The following TTC29 variants were observed in gnomAD, a reference collection of about 807,000 sequenced individuals.
TTC29 encodes the protein tetratricopeptide repeat protein 29.
A neutral mutation model predicts 58.1 loss-of-function variants in TTC29; 49 were observed. The observed-to-expected ratio is 0.84, with a 90% CI of 0.67 to 1.07. The LOEUF is 1.07. Among genes scored for constraint, TTC29 ranks in the 50% least tolerant of loss-of-function variants. The probability of loss-of-function intolerance (pLI) is 0.00; values close to 1 mark genes in which losing one functional copy is unlikely to be tolerated. For synonymous variants in TTC29, 209 were observed against 196.8 expected (o/e 1.06, Z -0.52); for missense variants, 582 against 555.6 (o/e 1.05, Z -0.48).
At chr4:146,741,871 T>TA (rs1745180063) in intron 11 of TTC29, among the ~76,000 whole-genome samples, 2 of 152,212 alleles carry the variant, frequency 1.3e-5, no homozygotes, top group Admixed American at 1.3e-4. Context: ...TGCTTCGCCT[T>TA]AGCTCTTCAT....
rs113875440 is a variant in TTC29 at position 146,735,529 on chromosome 4, C to T, written c.1331-27978G>A. Among the ~76,000 whole-genome samples the T allele has an allele frequency of 3.1e-3, 469 of 152,262 alleles. 6 individuals carry two copies. The highest frequency in any genetic ancestry group is 0.011 in the African/African-American group (453 of 41,550). On this transcript the variant is annotated intron_variant, in intron 11 of 12. Transcript: ENST00000325106. ...GGTTATTCTTGAGGGAATAGCCAGC[C>T]TGGTAGCTTGGATAAAAGCCAGTGT... is the stretch of plus-strand genomic sequence containing the variant.
At chr4:146,791,455 A>T (rs1749442593) in intron 11 of TTC29, among the ~76,000 whole-genome samples, 1 of 152,190 alleles carries the variant, frequency 6.6e-6, no homozygotes, top group Non-Finnish European at 1.5e-5. Flanking sequence ...TGCATCCATA[A>T]AAGACAATGA....
chr4:146,892,550 A>G (rs935723926), intron 6 of TTC29, among the ~76,000 whole-genome samples: 34 of 152,322 alleles, frequency 2.2e-4, no homozygotes, highest in Middle Eastern at 3.4e-3. Context: ...AATAAGAGCT[A>G]TCTATGACAA....
chr4:146,857,808 T>TA (rs1485756795), intron 8 of TTC29, among the ~76,000 whole-genome samples: 1 of 152,152 alleles, frequency 6.6e-6, no homozygotes, highest in African/African-American at 2.4e-5. Flanking sequence ...ACTCAATTTT[T>TA]AAAAAATAAA....
chr4:146,918,406 TAAG>T (rs1165492297), intron 4 of TTC29, among the ~76,000 whole-genome samples: 1 of 151,132 alleles, frequency 6.6e-6, no homozygotes, highest in Non-Finnish European at 1.5e-5. Context: ...AATAGCCTGA[TAAG>T]AATTCATTTC....
chr4:146,810,374 G>A (rs529578052), intron 10 of TTC29, among the ~76,000 whole-genome samples: 2 of 152,122 alleles, frequency 1.3e-5, no homozygotes, highest in Non-Finnish European at 2.9e-5. Flanking sequence ...TGTATGTTCT[G>A]CACATTTATC....
intron 8 of TTC29, among the ~76,000 whole-genome samples, chr4:146,848,251 G>T (rs1729304519): frequency 6.6e-6 from 1 of 152,148 alleles, no homozygotes; most frequent in Non-Finnish European, 1.5e-5. Flanking sequence ...CATTAATCGA[G>T]TATACTTTTA....
At chr4:146,722,462 T>C (rs888617549) in intron 11 of TTC29, among the ~76,000 whole-genome samples, 1 of 152,072 alleles carries the variant, frequency 6.6e-6, no homozygotes, top group Non-Finnish European at 1.5e-5. Flanking sequence ...ATGGTACTGG[T>C]ACAAAAACAG....
intron 11 of TTC29, among the ~76,000 whole-genome samples, chr4:146,737,000 T>C (rs1744754366): frequency 6.6e-6 from 1 of 152,150 alleles, no homozygotes; most frequent in Non-Finnish European, 1.5e-5. Flanking sequence ...AGATGGCAGT[T>C]CCAAGGTAAA....
At chr4:146,719,528 G>A (rs534825384) in intron 11 of TTC29, among the ~76,000 whole-genome samples, 45 of 152,248 alleles carry the variant, frequency 3.0e-4, no homozygotes, top group Non-Finnish European at 6.2e-4. Flanking sequence ...TATAGCGTTA[G>A]GCTTGGAAAG....
At chr4:146,934,780 C>T (rs189508049) in intron 4 of TTC29, among the ~76,000 whole-genome samples, 85 of 152,104 alleles carry the variant, frequency 5.6e-4, no homozygotes, top group Non-Finnish European at 6.6e-4. Flanking sequence ...AAGATGAGAG[C>T]GTTCAACTTG....
chr4:146,820,230 T>A lies in TTC29; in HGVS notation c.996A>T (p.Glu332Asp), dbSNP rs759848942. ...KVLQSQGEMT[E>D]AIKYLKKFVK... ...CAAATTTTTTCAAGTATTTAATTGC[T>A]TCTGTCATCTCTCCTTGGCTAGAAT... is the stretch of plus-strand genomic sequence containing the variant. The change falls in exon 10 of 13, where the codon GAA (glutamate) becomes GAT (aspartate). Residue 332 changes from glutamate to aspartate, a missense_variant. By Grantham distance (45) the Glu-to-Asp change is conservative. Coordinates refer to ENST00000325106, the MANE Select transcript of TTC29 (RefSeq NM_031956.4). 6.2e-7 allele frequency: 1 copy of A among 1,612,248 alleles called. No homozygotes were observed. Among genetic ancestry groups the A allele is most frequent in the South Asian group, 1.1e-5 (1 of 91,062 alleles).
chr4:146,785,527 T>C (rs1392983581), intron 11 of TTC29, among the ~76,000 whole-genome samples: 1 of 152,226 alleles, frequency 6.6e-6, no homozygotes, highest in African/African-American at 2.4e-5. Flanking sequence ...CTCTATCCTC[T>C]GAGGAGATGG....
chr4:146,764,789 A>G (rs553417376), intron 11 of TTC29, among the ~76,000 whole-genome samples: 1 of 152,274 alleles, frequency 6.6e-6, no homozygotes, highest in East Asian at 1.9e-4. Flanking sequence ...GCTGAGGAAC[A>G]GAAATGTACT....
At chr4:146,730,481 G>T (rs909947756) in intron 11 of TTC29, among the ~76,000 whole-genome samples, 2 of 152,082 alleles carry the variant, frequency 1.3e-5, no homozygotes, top group African/African-American at 4.8e-5. Flanking sequence ...CATGAAATTG[G>T]ATATAATAAT....
chr4:146,888,589 C>T (rs1408510858), intron 6 of TTC29, among the ~76,000 whole-genome samples: 1 of 152,122 alleles, frequency 6.6e-6, no homozygotes, highest in Non-Finnish European at 1.5e-5. Flanking sequence ...AAGCAGAGCA[C>T]TAGACACTTT....
At chr4:146,747,292 C>A (rs1222037065) in intron 11 of TTC29, among the ~76,000 whole-genome samples, 1 of 152,140 alleles carries the variant, frequency 6.6e-6, no homozygotes, top group Non-Finnish European at 1.5e-5. Flanking sequence ...GATACTGGAG[C>A]CACTGCTAGA....
intron 4 of TTC29, among the ~76,000 whole-genome samples, chr4:146,915,781 A>G (rs1023756432): frequency 6.6e-6 from 1 of 152,024 alleles, no homozygotes; most frequent in South Asian, 2.1e-4. Context: ...TATTTTTTTC[A>G]TAGGATAAAC....
At chr4:146,916,698 C>T (rs1159870071) in intron 4 of TTC29, among the ~76,000 whole-genome samples, 1 of 151,484 alleles carries the variant, frequency 6.6e-6, no homozygotes, top group East Asian at 1.9e-4. Flanking sequence ...ACTGCAGTTA[C>T]ATCATGTAAA....
Sources: allele counts gnomAD v4.1 joint callset (sites outside exome capture counted in the v4.1 genomes callset), GRCh38; gene constraint gnomAD v4.1.1; transcripts MANE v1.5; gene names NCBI Gene and HGNC (gene_info 2026-07-23, HGNC 2026-07-21).